Variants in CCDC73 observed in about 807,000 individuals in gnomAD.
CCDC73 encodes coiled-coil domain-containing protein 73.
In CCDC73, 95 loss-of-function variants were observed where a neutral mutation model predicts 116.5. The ratio of observed to expected loss-of-function variants is 0.82; its 90% CI spans 0.69 to 0.97. The LOEUF (loss-of-function observed/expected upper bound fraction) is 0.97, where lower values mean the gene tolerates loss of function less well. Ranked by LOEUF, CCDC73 falls within the 50% of genes least tolerant of loss-of-function variation. The probability of loss-of-function intolerance (pLI) is 0.00; values close to 1 mark genes in which losing one functional copy is unlikely to be tolerated. For synonymous variants in CCDC73, 398 were observed against 401.3 expected (o/e 0.99, Z 0.10); for missense variants, 1,066 against 1,206.8 (o/e 0.88, Z 1.73).
chr11:32,766,472 A>C (rs1205738485), intron 1 of CCDC73, among the ~76,000 whole-genome samples: 1 of 152,232 alleles, frequency 6.6e-6, no homozygotes, highest in Non-Finnish European at 1.5e-5. Flanking sequence ...ATCAGGCAGG[A>C]GAAAGAAATA....
intron 9 of CCDC73, among the ~76,000 whole-genome samples, chr11:32,659,857 C>G (rs1855906554): frequency 6.6e-6 from 1 of 152,096 alleles, no homozygotes; most frequent in Admixed American, 6.5e-5. Context: ...AGACTATTAA[C>G]AAGAGGCCAA....
chr11:32,669,507 A>C (rs1201712888), intron 9 of CCDC73, among the ~76,000 whole-genome samples: 6 of 152,146 alleles, frequency 3.9e-5, no homozygotes, highest in Non-Finnish European at 8.8e-5. Flanking sequence ...TACAATTATC[A>C]CTGACAATAA....
At chr11:32,616,524 A>T (rs1434998823) in intron 14 of CCDC73, among the ~76,000 whole-genome samples, 3 of 152,132 alleles carry the variant, frequency 2.0e-5, no homozygotes, top group Non-Finnish European at 4.4e-5. Context: ...GCTGGAGTGC[A>T]GTGGCTATTC....
intron 1 of CCDC73, among the ~76,000 whole-genome samples, chr11:32,764,380 A>T (rs1055364074): frequency 6.6e-6 from 1 of 152,234 alleles, no homozygotes; most frequent in Admixed American, 6.5e-5. Flanking sequence ...CGGGTTACCC[A>T]CAAAGGGAAG....
chr11:32,689,035 G>C (rs1302464843), intron 6 of CCDC73, among the ~76,000 whole-genome samples: 1 of 152,102 alleles, frequency 6.6e-6, no homozygotes, highest in Non-Finnish European at 1.5e-5. Flanking sequence ...TAGCACACTG[G>C]TATAGAGAAA....
intron 14 of CCDC73, among the ~76,000 whole-genome samples, chr11:32,629,770 CAAAAA>C (rs33970031): frequency 8.2e-6 from 1 of 121,632 alleles, no homozygotes; most frequent in Admixed American, 8.8e-5. Context: ...CAATGCAAGC[CAAAAA>C]AAAAAAAAAA....
Position 32,613,824 on chromosome 11 carries a change from T to C in CCDC73, c.2494A>G (p.Ile832Val). ...AACAATGTATGCTGTCTTTCATTAA[T>C]GCTCACAAAAAGGAAGAGGTCATTT... ...TKNDLFLFVS[I>V]NERQHTLLNN... Residue 832 changes from isoleucine to valine, a missense_variant, in exon 16 of 18, where the codon ATT becomes GTT. Physicochemically the swap from Ile to Val is conservative, Grantham distance 29. Coordinates refer to ENST00000335185, the MANE Select transcript of CCDC73 (RefSeq NM_001008391.4). The C allele has an allele frequency of 6.2e-7, 1 of 1,613,790 alleles. No homozygotes were observed. Among genetic ancestry groups the C allele is most frequent in the Non-Finnish European group, 8.5e-7 (1 of 1,179,946 alleles).
At chr11:32,663,478 CTGTT>C (rs1453889232) in intron 9 of CCDC73, among the ~76,000 whole-genome samples, 3 of 151,976 alleles carry the variant, frequency 2.0e-5, no homozygotes, top group Admixed American at 6.6e-5. Context: ...ATTTGGCTCT[CTGTT>C]TGTTATTGGT....
chr11:32,732,855 A>G (rs945746570), intron 2 of CCDC73, among the ~76,000 whole-genome samples: 3 of 152,230 alleles, frequency 2.0e-5, no homozygotes, highest in African/African-American at 7.2e-5. Flanking sequence ...AAGAAACTGC[A>G]TCAACTAAGA....
intron 17 of CCDC73, chr11:32,606,334 C>T (rs972215896): frequency 8.5e-5 from 13 of 152,186 alleles, no homozygotes; most frequent in African/African-American, 3.1e-4. Flanking sequence ...TAAATATTTT[C>T]AGCTTTGTGG....
chr11:32,613,896 TG>T lies in CCDC73; in HGVS notation c.2421del (p.Asn808IlefsTer11). 2 of 1,613,020 alleles carry T rather than the reference TG, an allele frequency of 1.2e-6. No individual in the cohort carries two copies. The highest frequency in any genetic ancestry group is 4.5e-5 in the East Asian group (2 of 44,866). ...HMKTCTETEF[S>X]NKKNQIDENQ... ...TTCTCATCAATCTGATTCTTTTTAT[TG>T]GAAAACTCTGTTTCTGTGCAAGTTT... On this transcript the variant is annotated frameshift_variant, in exon 16 of 18. Coordinates refer to ENST00000335185, the MANE Select transcript of CCDC73 (RefSeq NM_001008391.4). LOFTEE classifies it high-confidence loss of function.
At chr11:32,798,215 T>C (rs1166618910), upstream of CCDC73, among the ~76,000 whole-genome samples, 2 of 152,248 alleles carry the variant, frequency 1.3e-5, no homozygotes, top group Non-Finnish European at 2.9e-5. Context: ...TACCTACCTC[T>C]AAGATACAAA....
intron 14 of CCDC73, among the ~76,000 whole-genome samples, chr11:32,625,665 C>T (rs1222427496): frequency 6.6e-6 from 1 of 152,098 alleles, no homozygotes; most frequent in Non-Finnish European, 1.5e-5. Flanking sequence ...GGATGCAAGG[C>T]TGGTTCAACA....
At chr11:32,830,223 G>A in the CCDC73 span, 3 of 1,071,378 alleles carry the variant, frequency 2.8e-6, no homozygotes, top group Non-Finnish European at 3.4e-6. Context: ...TACCTGGAAG[G>A]GGCCACCTCG....
chr11:32,652,327 A>AAAAACAAAAC (rs147061574), intron 12 of CCDC73, among the ~76,000 whole-genome samples: 100 of 150,580 alleles, frequency 6.6e-4, no homozygotes, highest in Non-Finnish European at 9.4e-4. Flanking sequence ...AGAAAGAAAG[A>AAAAACAAAAC]AAAACAAAAC....
Position 32,614,276 on chromosome 11 carries a change from T to G in CCDC73, c.2042A>C (p.Gln681Pro), listed in dbSNP as rs765830288. ...KSECSILLSK[Q>P]TSDFLQVCND... ...ACAGACTTGCAGAAAATCTGAAGTT[T>G]GTTTAGAAAGTAATATGCTGCACTC... Residue 681 changes from glutamine to proline, a missense_variant, in exon 16 of 18, where the codon CAA becomes CCA. Coordinates refer to ENST00000335185, the MANE Select transcript of CCDC73 (RefSeq NM_001008391.4). 1.2e-6 allele frequency: 2 copies of G among 1,613,712 alleles called. No individual in the cohort carries two copies. Among genetic ancestry groups the G allele is most frequent in the Non-Finnish European group, 1.7e-6 (2 of 1,179,746 alleles).
the CCDC73 span, among the ~76,000 whole-genome samples, chr11:32,803,334 A>C: frequency 2.7e-5 from 4 of 149,600 alleles, no homozygotes; most frequent in African/African-American, 7.4e-5. Flanking sequence ...CAGGTGATCC[A>C]CTTGCCTTGG....
intron 14 of CCDC73, among the ~76,000 whole-genome samples, chr11:32,629,560 C>T (rs1180518371): frequency 1.3e-5 from 2 of 151,920 alleles, no homozygotes; most frequent in South Asian, 2.1e-4. Context: ...CCACCACGCC[C>T]GGCGAATTTT....
At chr11:32,731,680 C>T (rs1850079823) in intron 2 of CCDC73, among the ~76,000 whole-genome samples, 1 of 152,194 alleles carries the variant, frequency 6.6e-6, no homozygotes, top group Non-Finnish European at 1.5e-5. Flanking sequence ...CAGCAAACTC[C>T]AACAGACCTG....
Sources: gnomAD v4.1 joint callset for allele counts (sites outside exome capture counted in the v4.1 genomes callset) on GRCh38, gnomAD v4.1.1 for gene constraint, MANE v1.5 for transcripts, NCBI Gene and HGNC (gene_info 2026-07-23, HGNC 2026-07-21) for gene names.